DOCK2: variants seen among roughly 807,000 people sequenced by gnomAD.
DOCK2 encodes the protein dedicator of cytokinesis protein 2.
Under a neutral mutation model 248.9 loss-of-function variants are expected in DOCK2, and 87 were observed. The ratio of observed to expected loss-of-function variants is 0.35; its 90% confidence interval spans 0.29 to 0.42. The LOEUF is 0.42. Ranked by LOEUF, DOCK2 falls within the 10% of genes least tolerant of loss-of-function variation. The pLI is 1.00. For missense variants in DOCK2, 1,747 were observed against 2,300.2 expected (o/e 0.76, Z 4.92); for synonymous variants, 805 against 821.6 (o/e 0.98, Z 0.35).
intron 28 of DOCK2, among the ~76,000 whole-genome samples, chr5:169,985,168 G>T (rs1339604020): frequency 2.0e-5 from 3 of 152,138 alleles, no homozygotes; most frequent in East Asian, 3.8e-4. Flanking sequence ...CTCCCAAAGT[G>T]CTGGGATTGC....
chr5:169,914,598 T>G (rs902739924), intron 27 of DOCK2, among the ~76,000 whole-genome samples: 2 of 152,210 alleles, frequency 1.3e-5, no homozygotes, highest in Admixed American at 6.5e-5. Flanking sequence ...TCTTAAAAAT[T>G]GAATTCATTG....
Position 169,803,216 on chromosome 5 carries a change from C to T in DOCK2, c.2703+10C>T, listed in dbSNP as rs1397049473. 5 of 1,611,402 alleles carry T rather than the reference C, an allele frequency of 3.1e-6. No individual in the cohort carries two copies. The South Asian group carries it at 4.4e-5, about 14-fold the overall frequency. Reference sequence around the variant, plus strand: ...TAGCTACCAGGATGCGGTGAGTCCTCCTGATGATGTAGATATCCTGGACTC... The same window carrying T: ...TAGCTACCAGGATGCGGTGAGTCCTTCTGATGATGTAGATATCCTGGACTC... On this transcript the variant is annotated intron_variant, in intron 26 of 51. Coordinates refer to ENST00000520908, the MANE Select transcript of DOCK2 (RefSeq NM_004946.3).
intron 6 of DOCK2, among the ~76,000 whole-genome samples, chr5:169,680,967 A>G (rs1759625367): frequency 6.6e-6 from 1 of 151,988 alleles, no homozygotes; most frequent in South Asian, 2.1e-4. Context: ...TTGTATGCAC[A>G]CTGTATGCAT....
chr5:169,747,288 C>T, intron 22 of DOCK2, 108 bp from the exon 23 acceptor site: 1 of 945,690 alleles, frequency 1.1e-6, no homozygotes, highest in Non-Finnish European at 1.6e-6. Context: ...AAGTCCCCAC[C>T]TCCCACTCCT....
intron 27 of DOCK2, among the ~76,000 whole-genome samples, chr5:169,886,499 A>T (rs1362916443): frequency 6.6e-6 from 1 of 152,210 alleles, no homozygotes; most frequent in African/African-American, 2.4e-5. Flanking sequence ...GCCTGCCTGG[A>T]TACCTATGAT....
At chr5:169,637,421 C>T in intron 1 of DOCK2, 52 bp downstream of exon 1, 4 of 1,309,156 alleles carry the variant, frequency 3.1e-6, no homozygotes, top group Non-Finnish European at 2.9e-6. Flanking sequence ...GGCGGGAGAG[C>T]CGCGAGCAGG....
intron 2 of DOCK2, among the ~76,000 whole-genome samples, chr5:169,659,526 A>G (rs1321614572): frequency 2.0e-5 from 3 of 152,130 alleles, no homozygotes; most frequent in East Asian, 1.9e-4. Context: ...TTCCTTGCCT[A>G]TGTACTAAAT....
chr5:169,648,486 A>G (rs529193963), intron 1 of DOCK2, among the ~76,000 whole-genome samples: 1 of 152,288 alleles, frequency 6.6e-6, no homozygotes, highest in Admixed American at 6.5e-5. Context: ...GGTTGTTATC[A>G]TGATCCAGCA....
chr5:169,899,856 A>AC (rs1773819604), intron 27 of DOCK2, among the ~76,000 whole-genome samples: 1 of 152,206 alleles, frequency 6.6e-6, no homozygotes, highest in Admixed American at 6.5e-5. Flanking sequence ...TTCCAGAAAA[A>AC]AATTAAGCAG....
chr5:169,823,601 G>C (rs1350123741), intron 26 of DOCK2, among the ~76,000 whole-genome samples: 1 of 152,148 alleles, frequency 6.6e-6, no homozygotes, highest in Non-Finnish European at 1.5e-5. Context: ...CAATAAATTA[G>C]GTATTGATGG....
At chr5:170,008,646 C>T in intron 31 of DOCK2, 42 bp from the exon 32 acceptor site, 1 of 1,614,016 alleles carries the variant, frequency 6.2e-7, no homozygotes, top group Non-Finnish European at 8.5e-7. Context: ...CCATGAGATC[C>T]TCTGAGATGG....
At position 169,800,944 on chromosome 5, in the gene DOCK2, C is replaced by CTTTTTTTTTTTTTTTTT. The variant is rs60140740; in HGVS notation, c.2555-2101_2555-2085dup. Among the ~76,000 whole-genome samples, 9 of 53,186 alleles carry CTTTTTTTTTTTTTTTTT rather than the reference C, an allele frequency of 1.7e-4. 1 individual carries two copies. Among genetic ancestry groups the CTTTTTTTTTTTTTTTTT allele is most frequent in the South Asian group, 1.5e-3 (2 of 1,368 alleles). 34.9% of individuals were successfully genotyped at this position (53,186 alleles called of 152,430 possible). A position where few individuals can be genotyped will look rare whatever the true frequency, so the allele number is the denominator to read the frequency against. ...TTTTTCTTTTTTCTTTTCTTTCTTT[C>CTTTTTTTTTTTTTTTTT]TTTTTTTTTTTTTTTTTTTTTTTTT... On this transcript the variant is annotated intron_variant, in intron 25 of 51. Transcript: ENST00000520908.
chr5:169,777,766 G>T (rs1027965271), intron 25 of DOCK2, among the ~76,000 whole-genome samples: 1 of 152,294 alleles, frequency 6.6e-6, no homozygotes, highest in East Asian at 1.9e-4. Context: ...GGCATAGAGA[G>T]GCCTGGTCCT....
chr5:169,816,736 G>A (rs1280063369), intron 26 of DOCK2, among the ~76,000 whole-genome samples: 2 of 151,820 alleles, frequency 1.3e-5, no homozygotes, highest in Non-Finnish European at 2.9e-5. Flanking sequence ...TATTTATGGG[G>A]TACGTGAGAT....
chr5:170,010,920 T>TTTG (rs1755263526), intron 32 of DOCK2, among the ~76,000 whole-genome samples: 1 of 152,234 alleles, frequency 6.6e-6, no homozygotes, highest in African/African-American at 2.4e-5. Context: ...CACAGAAGAT[T>TTTG]TTATTTAGAT....
At chr5:169,690,826 A>C (rs1760255087) in intron 9 of DOCK2, among the ~76,000 whole-genome samples, 1 of 152,202 alleles carries the variant, frequency 6.6e-6, no homozygotes, top group Non-Finnish European at 1.5e-5. Context: ...TCCTGCCTTC[A>C]TGGAATTCTG....
intron 1 of DOCK2, among the ~76,000 whole-genome samples, chr5:169,645,062 G>A (rs973441414): frequency 5.9e-5 from 9 of 152,148 alleles, no homozygotes; most frequent in African/African-American, 9.7e-5. Flanking sequence ...ATTTGGGTTG[G>A]TTCCAAGTGT....
At chr5:169,826,846 C>A (rs546103391) in intron 26 of DOCK2, among the ~76,000 whole-genome samples, 1 of 152,110 alleles carries the variant, frequency 6.6e-6, no homozygotes, top group Non-Finnish European at 1.5e-5. Flanking sequence ...GATTGGGTGA[C>A]GACTTTTTTT....
chr5:169,934,924 G>A, intron 27 of DOCK2: 1 of 332,896 alleles, frequency 3.0e-6, no homozygotes, highest in Non-Finnish European at 5.9e-6. Context: ...AATGACCTGA[G>A]AAAGTAGTAT....
Sources: allele counts gnomAD v4.1 joint callset (sites outside exome capture counted in the v4.1 genomes callset), GRCh38; gene constraint gnomAD v4.1.1; transcripts MANE v1.5; gene names NCBI Gene and HGNC (gene_info 2026-07-23, HGNC 2026-07-21).